The following MBNL3 variants were observed in gnomAD, a reference collection of about 807,000 sequenced individuals.
MBNL3 encodes muscleblind-like protein 3.
In MBNL3, 6 loss-of-function variants were observed where a neutral mutation model predicts 24.5. The observed-to-expected ratio is 0.25, with a 90% CI of 0.13 to 0.48. MBNL3 has a LOEUF of 0.48. Ranked by LOEUF, MBNL3 falls within the 20% of genes least tolerant of loss-of-function variation. The pLI is 0.99. For missense variants in MBNL3, 230 were observed against 293.5 expected (o/e 0.78, Z 1.58); for synonymous variants, 100 against 101.7 (o/e 0.98, Z 0.10).
intron 6 of MBNL3, 35 bp downstream of exon 6, chrX:132,386,626 C>G (rs1465284525): frequency 3.3e-6 from 4 of 1,204,056 alleles, no homozygotes; most frequent in Non-Finnish European, 4.5e-6. Context: ...ACAACATCAC[C>G]AAACTCGCTG....
intron 1 of MBNL3, among the ~76,000 whole-genome samples, chrX:132,470,599 A>C (rs1332106691): frequency 1.8e-5 from 2 of 111,929 alleles, no homozygotes; most frequent in African/African-American, 3.2e-5. Context: ...AGTAAATCCC[A>C]CCATAATACA....
chrX:132,396,534 A>ATATATATATTCCTATATATATTCC (rs1325118601), intron 3 of MBNL3, among the ~76,000 whole-genome samples: 2 of 43,696 alleles, frequency 4.6e-5, no homozygotes, highest in East Asian at 5.5e-4. Flanking sequence ...ATATATATTC[A>ATATATATATTCCTATATATATTCC]TATATATATT....
intron 1 of MBNL3, among the ~76,000 whole-genome samples, chrX:132,467,323 A>G (rs1397939289): frequency 8.9e-6 from 1 of 112,163 alleles, no homozygotes; most frequent in African/African-American, 3.2e-5. Flanking sequence ...TATTTATCTT[A>G]GTAAAAGCTC....
At chrX:132,425,044 A>C (rs1944187593) in intron 2 of MBNL3, among the ~76,000 whole-genome samples, 1 of 112,171 alleles carries the variant, frequency 8.9e-6, no homozygotes, top group Admixed American at 9.4e-5. Context: ...AATTATGGAA[A>C]TCATTGCCAA....
chrX:132,434,068 C>A (rs1262431563), intron 2 of MBNL3, among the ~76,000 whole-genome samples: 2 of 112,039 alleles, frequency 1.8e-5, no homozygotes, highest in African/African-American at 6.5e-5. Flanking sequence ...TTATTTTTTA[C>A]CTGCTCCTCC....
chrX:132,430,667 G>A (rs978848453), intron 2 of MBNL3: 2 of 112,303 alleles, frequency 1.8e-5, no homozygotes, highest in Non-Finnish European at 3.8e-5. Context: ...TATCCTATCT[G>A]AGGGTATGTG....
chrX:132,453,790 T>C (rs949127906), intron 1 of MBNL3, among the ~76,000 whole-genome samples: 2 of 111,381 alleles, frequency 1.8e-5, no homozygotes, highest in Middle Eastern at 4.6e-3. Context: ...TTCAAACCAG[T>C]GGTCTGAAAG....
At chrX:132,438,530 A>G (rs1945236060) in intron 2 of MBNL3, among the ~76,000 whole-genome samples, 2 of 110,926 alleles carry the variant, frequency 1.8e-5, no homozygotes, top group East Asian at 5.6e-4. Context: ...TCATTTTGAC[A>G]TATTTTGAAA....
chrX:132,443,542 C>T (rs1945500468), intron 1 of MBNL3, among the ~76,000 whole-genome samples: 1 of 111,881 alleles, frequency 8.9e-6, no homozygotes, highest in Non-Finnish European at 1.9e-5. Flanking sequence ...AGGCATTGTT[C>T]TAGTTACTGA....
chrX:132,464,763 G>A (rs1365012911), intron 1 of MBNL3, among the ~76,000 whole-genome samples: 2 of 111,804 alleles, frequency 1.8e-5, no homozygotes, highest in African/African-American at 3.3e-5. Flanking sequence ...CCATCTGGCC[G>A]GTGCGGTGGC....
intron 2 of MBNL3, among the ~76,000 whole-genome samples, chrX:132,408,652 A>G (rs147326965): frequency 0.013 from 1,504 of 111,875 alleles, 19 homozygotes; most frequent in African/African-American, 0.046. Context: ...TTGTGCTTTT[A>G]TATCACTATC....
intron 1 of MBNL3, among the ~76,000 whole-genome samples, chrX:132,457,641 A>G (rs1946437663): frequency 9.0e-6 from 1 of 111,439 alleles, no homozygotes; most frequent in Admixed American, 9.5e-5. Context: ...CAGCCATATA[A>G]TTCCATATAC....
chrX:132,453,158 G>A (rs192214810), intron 1 of MBNL3, among the ~76,000 whole-genome samples: 1 of 111,529 alleles, frequency 9.0e-6, no homozygotes, highest in East Asian at 2.8e-4. Context: ...TAATGTGTGG[G>A]TGGTTTCTGA....
At chrX:132,396,959 C>CATATATATGA (rs1939807379) in intron 3 of MBNL3, among the ~76,000 whole-genome samples, 1 of 73,013 alleles carries the variant, frequency 1.4e-5, no homozygotes, top group African/African-American at 5.4e-5. Flanking sequence ...CATATATATT[C>CATATATATGA]ATATATATAT....
chrX:132,373,036 G>A lies in MBNL3; in HGVS notation c.*6630C>T, dbSNP rs756287840. The stretch of plus-strand genomic sequence containing the variant: ...AGGTTAGTAATAGAGGGCTTTTTTT[G>A]GGGGGGGGCCTCAGTTACATCCATT... On this transcript the variant is annotated 3_prime_UTR_variant, in exon 9 of 9. Coordinates refer to ENST00000370853, the MANE Select transcript of MBNL3 (RefSeq NM_001386889.1). 9.4e-6 allele frequency: 1 copy of A among 106,901 alleles called. No homozygotes were observed. Among genetic ancestry groups the A allele is most frequent in the Non-Finnish European group, 1.9e-5 (1 of 51,390 alleles). The allele number at this position is 106,901 out of a possible 1,213,427, so 8.8% of individuals were successfully genotyped here.
At chrX:132,477,743 T>A (rs1321881233) in intron 1 of MBNL3, among the ~76,000 whole-genome samples, 1 of 111,967 alleles carries the variant, frequency 8.9e-6, no homozygotes, top group African/African-American at 3.3e-5. Context: ...TGTGAGTGAA[T>A]CTTATGTTTT....
chrX:132,448,795 C>T (rs908175265), intron 1 of MBNL3, among the ~76,000 whole-genome samples: 28 of 112,064 alleles, frequency 2.5e-4, no homozygotes, highest in African/African-American at 8.8e-4. Context: ...AAATTTCCCT[C>T]TAAACACTGC....
intron 1 of MBNL3, among the ~76,000 whole-genome samples, chrX:132,463,509 C>A (rs1332158896): frequency 9.0e-6 from 1 of 111,642 alleles, no homozygotes; most frequent in Admixed American, 9.5e-5. Context: ...CCATTTTAAT[C>A]ATTAATTTTC....
At chrX:132,394,709 C>T (rs1442569642) in intron 3 of MBNL3, among the ~76,000 whole-genome samples, 1 of 112,231 alleles carries the variant, frequency 8.9e-6, no homozygotes, top group Non-Finnish European at 1.9e-5. Context: ...ATATTGAAGC[C>T]TAATGTATTT....
Sources: allele counts gnomAD v4.1 joint callset (sites outside exome capture counted in the v4.1 genomes callset), GRCh38; gene constraint gnomAD v4.1.1; transcripts MANE v1.5; gene names NCBI Gene and HGNC (gene_info 2026-07-23, HGNC 2026-07-21).